The following NGDN variants were observed in gnomAD, a reference collection of about 807,000 sequenced individuals.
The protein encoded by NGDN is neuroguidin, also known as EIF4E-binding protein.
A neutral mutation model predicts 45.2 loss-of-function variants in NGDN; 41 were observed. The observed-to-expected ratio is 0.91, with a 90% confidence interval of 0.71 to 1.18. The LOEUF is 1.18. Ranked by LOEUF, NGDN falls within the 50% of genes most tolerant of loss-of-function variation. NGDN has a pLI of 0.00. For missense variants in NGDN, 402 were observed against 399.9 expected, an observed-to-expected ratio of 1.01 and a Z score of -0.05; for synonymous variants, 137 against 130.9, an observed-to-expected ratio of 1.05 and a Z score of -0.32.
intron 8 of NGDN, 124 bp downstream of exon 8, chr14:23,476,531 T>G (rs1043273112): frequency 2.1e-6 from 2 of 957,550 alleles, no homozygotes; most frequent in East Asian, 5.5e-5. Flanking sequence ...GTGAAAACTT[T>G]GGGATGATAG....
Position 23,472,456 on chromosome 14 carries a change from T to C in NGDN, c.144+1479T>C, listed in dbSNP as rs1241604820. 5.3e-5 allele frequency among the ~76,000 whole-genome samples: 8 copies of C among 151,952 alleles called. No homozygotes were observed. In the East Asian group the frequency reaches 1.6e-3, roughly 30 times the overall value. On this transcript the variant is annotated intron_variant, in intron 3 of 10. Coordinates refer to ENST00000408901, the MANE Select transcript of NGDN (RefSeq NM_001042635.2). Reference sequence around the variant, plus strand: ...CAGAGGTTGCAGTGAGCCGTGATCATGCCACTGTGCTGCAGCCTGGGCAGC... The same window carrying C: ...CAGAGGTTGCAGTGAGCCGTGATCACGCCACTGTGCTGCAGCCTGGGCAGC...
chr14:23,471,392 G>A (rs139588769), intron 3 of NGDN: 149 of 161,628 alleles, frequency 9.2e-4, no homozygotes, highest in Middle Eastern at 9.0e-3. Flanking sequence ...TGTTATGTGT[G>A]TTGGGGGTAG....
In NGDN at chr14:23,469,773, TC is replaced by T. The variant is rs750051118; in HGVS notation, c.12+48del. 6.8e-5 allele frequency: 110 copies of T among 1,612,266 alleles called. 2 individuals carry two copies. In the South Asian group the frequency reaches 1.1e-3, roughly 16 times the overall value. On this transcript the variant is annotated intron_variant, in intron 1 of 10. Transcript: ENST00000408901. ...TCCTCGCGTAGCTATTGTGGAGTTG[TC>T]CTTTGCCTTCAGCGGCTGGAGGCAA...
Position 23,475,693 on chromosome 14 carries a change from A to G in NGDN, c.368-33A>G, listed in dbSNP as rs538260706. The stretch of plus-strand genomic sequence containing the variant: ...TGTGGGGACCATCAGAAAGTTCCAA[A>G]TTTTGTAAAATTCATTGGGTTATTT... On this transcript the variant is annotated intron_variant, in intron 5 of 10. Transcript: ENST00000408901. 139 of 1,614,066 alleles carry G rather than the reference A, an allele frequency of 8.6e-5. 1 individual carries two copies. The South Asian group carries it at 1.4e-3, about 16-fold the overall frequency.
chr14:23,469,987 C>T (rs1595104061), intron 1 of NGDN, 55 bp from the exon 2 acceptor site: 3 of 1,589,060 alleles, frequency 1.9e-6, no homozygotes, highest in Non-Finnish European at 2.6e-6. Flanking sequence ...GTTCCACTTT[C>T]CTATAATCCT....
At position 23,478,170 on chromosome 14, in the gene NGDN, T is replaced by C. The variant is rs923311114; in HGVS notation, c.*144T>C. 11 of 776,856 alleles carry C rather than the reference T, an allele frequency of 1.4e-5. No individual in the cohort carries two copies. The highest frequency in any genetic ancestry group is 2.3e-5 in the Non-Finnish European group (11 of 480,996). 48.1% of individuals were successfully genotyped at this position (776,856 alleles called of 1,614,324 possible). A position where few individuals can be genotyped will look rare whatever the true frequency, so the allele number is the denominator to read the frequency against. ...TTACTAATAAAATTGATTTTGCTTA[T>C]GAATTAAAGCCCCTTTTTGCACATG... is the stretch of plus-strand genomic sequence containing the variant. On this transcript the variant is annotated 3_prime_UTR_variant, in exon 11 of 11. Coordinates refer to ENST00000408901, the MANE Select transcript of NGDN (RefSeq NM_001042635.2).
chr14:23,473,003 T>C (rs1442306509), intron 3 of NGDN, among the ~76,000 whole-genome samples: 1 of 152,182 alleles, frequency 6.6e-6, no homozygotes, highest in African/African-American at 2.4e-5. Context: ...CTTTTTTGTT[T>C]TGTTTTGTTT....
In NGDN at chr14:23,470,038, G is replaced by A. The variant is rs535449513; in HGVS notation, c.13-4G>A. On this transcript the variant is annotated splice_region_variant and splice_polypyrimidine_tract_variant and intron_variant, in intron 1 of 10. Coordinates refer to ENST00000408901, the MANE Select transcript of NGDN (RefSeq NM_001042635.2). ...TTTCTTTACGCCTCCTCTCCCTTCT[G>A]TAGGGGGTGCTGGAGTCCGACCTGC... The A allele has an allele frequency of 6.2e-7, 1 of 1,613,854 alleles. No individual in the cohort carries two copies. Among genetic ancestry groups the A allele is most frequent in the Non-Finnish European group, 8.5e-7 (1 of 1,179,908 alleles).
rs746414196 is a variant in NGDN at position 23,476,365 on chromosome 14, G to A, written c.671G>A (p.Arg224Gln). Residue 224 changes from arginine (R) to glutamine (Q), a missense_variant, in exon 8 of 11, where the codon CGG becomes CAG. Arg to Gln is a conservative substitution (Grantham distance 43). Transcript: ENST00000408901. Reference sequence around the variant, plus strand: ...GCTCCAGAGGAAATCCGTGATGCTCGGCATCCCCATGTTACCCGCCAGAGT... The same window carrying A: ...GCTCCAGAGGAAATCCGTGATGCTCAGCATCCCCATGTTACCCGCCAGAGT... ...SDAPEEIRDA[R>Q]HPHVTRQSQE... 4.3e-6 allele frequency: 7 copies of A among 1,612,762 alleles called. No homozygotes were observed. Among genetic ancestry groups the A allele is most frequent in the Admixed American group, 3.3e-5 (2 of 60,002 alleles).
rs962802085 is a variant in NGDN at position 23,469,930 on chromosome 14, C to G, written c.13-112C>G. 14 of 1,284,240 alleles carry G rather than the reference C, an allele frequency of 1.1e-5. No individual in the cohort carries two copies. In the Admixed American group the frequency reaches 2.1e-4, roughly 19 times the overall value. The allele number at this position is 1,284,240 out of a possible 1,614,324, so 79.6% of individuals were successfully genotyped here. ...GTCTGTGAACCCGAGTGTGAAGGCC[C>G]CGAGTCTGGGTGTCTGACGGAGAGA... On this transcript the variant is annotated intron_variant, in intron 1 of 10. Coordinates refer to ENST00000408901, the MANE Select transcript of NGDN (RefSeq NM_001042635.2).
intron 3 of NGDN, among the ~76,000 whole-genome samples, chr14:23,472,026 T>TA (rs966075977): frequency 3.6e-4 from 52 of 146,352 alleles, no homozygotes; most frequent in African/African-American, 1.2e-3. Flanking sequence ...CCTATCTCTA[T>TA]AAAAAAAAAT....
chr14:23,472,444 G>A (rs543399551), intron 3 of NGDN, among the ~76,000 whole-genome samples: 1 of 152,220 alleles, frequency 6.6e-6, no homozygotes, highest in South Asian at 2.1e-4. Context: ...AGGTTGCAGT[G>A]AGCCGTGATC....
intron 3 of NGDN, among the ~76,000 whole-genome samples, chr14:23,474,800 G>C (rs1485611254): frequency 6.6e-6 from 1 of 152,144 alleles, no homozygotes; most frequent in Non-Finnish European, 1.5e-5. Context: ...GCCATCCGTG[G>C]GAAGAGGCCA....
In NGDN at chr14:23,469,713, A is replaced by G. The variant is rs750786653; in HGVS notation, c.-3A>G. On this transcript the variant is annotated 5_prime_UTR_variant, in exon 1 of 11. Transcript: ENST00000408901. ...GACACCGGAAGGGGTGGGCTTTGCGAAGATGGCGGCGCTGGTGAGTTTGGT... is the reference window on the plus strand; with the variant it reads ...GACACCGGAAGGGGTGGGCTTTGCGGAGATGGCGGCGCTGGTGAGTTTGGT... 5.0e-6 allele frequency: 8 copies of G among 1,614,168 alleles called. No individual in the cohort carries two copies. Among genetic ancestry groups the G allele is most frequent in the East Asian group, 4.5e-5 (2 of 44,882 alleles).
At chr14:23,477,092 T>C (rs1893920313) in intron 8 of NGDN, 108 bp from the exon 9 acceptor site, 1 of 1,018,776 alleles carries the variant, frequency 9.8e-7, no homozygotes, top group Admixed American at 2.2e-5. Context: ...GTGAAACTTC[T>C]TGAGAACTCC....
Position 23,470,074 on chromosome 14 carries a change from GACACTT to G in NGDN, c.46_51del (p.Thr16_Leu17del). 4 of 1,614,108 alleles carry G rather than the reference GACACTT, an allele frequency of 2.5e-6. No homozygotes were observed. The highest frequency in any genetic ancestry group is 3.4e-6 in the Non-Finnish European group (4 of 1,180,002). On this transcript the variant is annotated inframe_deletion, in exon 2 of 11. Transcript: ENST00000408901. ...TGGAGTCCGACCTGCCAAGTGCCGT[GACACTT>G]CTGAAAAATCTCCAGGAGCAAGTGA... is the stretch of plus-strand genomic sequence containing the variant.
intron 3 of NGDN, among the ~76,000 whole-genome samples, chr14:23,473,211 C>G (rs1893823817): frequency 6.6e-6 from 1 of 152,082 alleles, no homozygotes; most frequent in Admixed American, 6.5e-5. Flanking sequence ...GTTAGCCAGG[C>G]TGGTCTCGAA....
chr14:23,470,250 T>C (rs750923096), intron 2 of NGDN, 149 bp downstream of exon 2: 10 of 628,904 alleles, frequency 1.6e-5, no homozygotes, highest in Non-Finnish European at 2.8e-5. Context: ...ACGCCAGAAT[T>C]CTAAGTAATT....
In NGDN at chr14:23,469,761, A is replaced by G. The variant is rs201382203; in HGVS notation, c.12+34A>G. ...GGTGTGGTTTCTTCCTCGCGTAGCT[A>G]TTGTGGAGTTGTCCTTTGCCTTCAG... On this transcript the variant is annotated intron_variant, in intron 1 of 10. Transcript: ENST00000408901. 8.6e-5 allele frequency: 139 copies of G among 1,613,736 alleles called. No individual in the cohort carries two copies. In the African/African-American group the frequency reaches 1.6e-3, roughly 18 times the overall value.
Sources: allele counts gnomAD v4.1 joint callset (sites outside exome capture counted in the v4.1 genomes callset), GRCh38; gene constraint gnomAD v4.1.1; transcripts MANE v1.5; gene names NCBI Gene and HGNC (gene_info 2026-07-23, HGNC 2026-07-21).